FSTL5: variants seen among roughly 807,000 people sequenced by gnomAD.
FSTL5 encodes follistatin like 5.
FSTL5 carries 62 observed loss-of-function variants against 89.1 expected under a neutral mutation model. That is an observed-to-expected ratio of 0.70 (90% CI 0.57 to 0.86). FSTL5 has a LOEUF of 0.86. FSTL5 is among the 40% of genes least tolerant of loss of function. FSTL5 has a pLI of 0.00. For missense variants in FSTL5, 1,057 were observed against 1,001.6 expected (o/e 1.06, Z -0.75); for synonymous variants, 383 against 346.2 (o/e 1.11, Z -1.18).
At chr4:161,540,487 G>C (rs551247486) in intron 9 of FSTL5, among the ~76,000 whole-genome samples, 3 of 152,146 alleles carry the variant, frequency 2.0e-5, no homozygotes, top group African/African-American at 7.2e-5. Context: ...AAAACTTTCT[G>C]TTCCTAGTTT....
rs1221241952 is a variant in FSTL5 at position 161,887,447 on chromosome 4, A to ATC, written c.409+32956_409+32957insGA. ...TCTATCATCTATCTACCTATCATCT[A>ATC]TAATCTATCAGTCTATCTGTCTGTT... On this transcript the variant is annotated intron_variant, in intron 4 of 15. Coordinates refer to ENST00000306100, the MANE Select transcript of FSTL5 (RefSeq NM_020116.5). Among the ~76,000 whole-genome samples the ATC allele has an allele frequency of 4.7e-3, 708 of 151,108 alleles. 3 individuals are homozygous for ATC. Among genetic ancestry groups the ATC allele is most frequent in the African/African-American group, 0.017 (687 of 41,080 alleles).
chr4:161,782,902 T>C (rs1413784925), intron 4 of FSTL5, among the ~76,000 whole-genome samples: 1 of 152,178 alleles, frequency 6.6e-6, no homozygotes. Context: ...CTTTTAACCC[T>C]GAGAGAATGT....
Position 161,789,292 on chromosome 4 carries a change from T to C in FSTL5, c.410-13218A>G, listed in dbSNP as rs76257759. ...GATTCTTAGTATTTGGTAAGTAAGT[T>C]TGGAGCAAGCAAAGGGACGACTAGG... On this transcript the variant is annotated intron_variant, in intron 4 of 15. Coordinates refer to ENST00000306100, the MANE Select transcript of FSTL5 (RefSeq NM_020116.5). Among the ~76,000 whole-genome samples, 1,232 of 152,220 alleles carry C rather than the reference T, an allele frequency of 8.1e-3. 16 individuals are homozygous for C. Among genetic ancestry groups the C allele is most frequent in the African/African-American group, 0.027 (1,113 of 41,532 alleles).
At chr4:161,584,739 G>A (rs1342691444) in intron 8 of FSTL5, among the ~76,000 whole-genome samples, 2 of 152,102 alleles carry the variant, frequency 1.3e-5, no homozygotes, top group African/African-American at 4.8e-5. Flanking sequence ...CTGAAATCTA[G>A]TGCTTAAATT....
chr4:161,915,064 G>A (rs1733800715), intron 4 of FSTL5, among the ~76,000 whole-genome samples: 2 of 152,182 alleles, frequency 1.3e-5, no homozygotes, highest in African/African-American at 4.8e-5. Context: ...TAGATGGGAA[G>A]CCTCTGCCCT....
chr4:161,616,236 G>A (rs889124259), intron 7 of FSTL5, among the ~76,000 whole-genome samples: 16 of 151,894 alleles, frequency 1.1e-4, no homozygotes, highest in African/African-American at 2.9e-4. Context: ...TCAGGCCCTC[G>A]CCACCATGCC....
intron 4 of FSTL5, among the ~76,000 whole-genome samples, chr4:161,905,097 T>C (rs1733483936): frequency 6.6e-6 from 1 of 152,134 alleles, no homozygotes; most frequent in Non-Finnish European, 1.5e-5. Flanking sequence ...AGTTGGAAGA[T>C]ATTATGCTGT....
chr4:161,842,575 A>G (rs1020043229), intron 4 of FSTL5, among the ~76,000 whole-genome samples: 55 of 152,134 alleles, frequency 3.6e-4, no homozygotes, highest in Admixed American at 1.3e-4. Context: ...GAATGATTAT[A>G]TGTTACTGTA....
intron 4 of FSTL5, among the ~76,000 whole-genome samples, chr4:161,914,251 A>C (rs1733778601): frequency 6.6e-6 from 1 of 152,194 alleles, no homozygotes; most frequent in Admixed American, 6.5e-5. Context: ...ACACAAAATA[A>C]AATAGTAAGC....
At chr4:161,418,912 T>C (rs1178690409) in intron 15 of FSTL5, among the ~76,000 whole-genome samples, 2 of 152,190 alleles carry the variant, frequency 1.3e-5, no homozygotes, top group South Asian at 4.1e-4. Context: ...CAAAGATGTA[T>C]TTCATTCTTG....
chr4:161,801,874 C>T (rs986346601), intron 4 of FSTL5, among the ~76,000 whole-genome samples: 1 of 151,534 alleles, frequency 6.6e-6, no homozygotes, highest in Non-Finnish European at 1.5e-5. Flanking sequence ...TACTACTATG[C>T]TTCCTTTCTC....
intron 2 of FSTL5, among the ~76,000 whole-genome samples, chr4:162,107,091 A>C (rs1410624311): frequency 6.6e-6 from 1 of 152,208 alleles, no homozygotes; most frequent in Non-Finnish European, 1.5e-5. Context: ...AAGACATGTA[A>C]GCCTATGTTA....
intron 4 of FSTL5, among the ~76,000 whole-genome samples, chr4:161,905,163 T>C (rs1733486168): frequency 6.6e-6 from 1 of 152,134 alleles, no homozygotes; most frequent in Non-Finnish European, 1.5e-5. Context: ...GGAAAAATTC[T>C]CATTTTGTTA....
intron 15 of FSTL5, among the ~76,000 whole-genome samples, chr4:161,435,443 G>C: frequency 6.6e-6 from 1 of 150,710 alleles, no homozygotes; most frequent in Non-Finnish European, 1.5e-5. Flanking sequence ...CTGGGGAGGG[G>C]AAGAGGGAGA....
chr4:161,568,123 C>CATATTGGCCATATTTGCCAT (rs1732883019), intron 8 of FSTL5, among the ~76,000 whole-genome samples: 1 of 151,662 alleles, frequency 6.6e-6, no homozygotes, highest in Admixed American at 6.6e-5. Context: ...TTTTGGAGTC[C>CATATTGGCCATATTTGCCAT]ATATTTGCCA....
chr4:162,003,827 C>T (rs910811694), intron 3 of FSTL5, among the ~76,000 whole-genome samples: 2 of 152,104 alleles, frequency 1.3e-5, no homozygotes, highest in Non-Finnish European at 2.9e-5. Context: ...ATACAGGGCT[C>T]TTTCCCATAT....
chr4:161,930,976 A>G (rs1243710679), intron 3 of FSTL5, among the ~76,000 whole-genome samples: 1 of 151,942 alleles, frequency 6.6e-6, no homozygotes, highest in Non-Finnish European at 1.5e-5. Flanking sequence ...TACCACTATG[A>G]TAAAAGAAGG....
intron 6 of FSTL5, among the ~76,000 whole-genome samples, chr4:161,683,098 G>A (rs1479676635): frequency 6.6e-6 from 1 of 152,104 alleles, no homozygotes; most frequent in Admixed American, 6.6e-5. Flanking sequence ...AAAATGAAAA[G>A]TATAGTAAAT....
intron 6 of FSTL5, among the ~76,000 whole-genome samples, chr4:161,698,821 G>A (rs1019581721): frequency 6.6e-6 from 1 of 152,096 alleles, no homozygotes; most frequent in Admixed American, 6.6e-5. Context: ...CTGGTGGTAT[G>A]TGCCTGTAAT....
Sources: gnomAD v4.1 joint callset for allele counts (sites outside exome capture counted in the v4.1 genomes callset) on GRCh38, gnomAD v4.1.1 for gene constraint, MANE v1.5 for transcripts, NCBI Gene and HGNC (gene_info 2026-07-23, HGNC 2026-07-21) for gene names.